Variants in TOX2 observed in about 807,000 individuals in gnomAD.
TOX2 encodes the protein TOX high mobility group box family member 2, also known as granulosa cell HMG box 1.
In TOX2, 15 loss-of-function variants were observed where a neutral mutation model predicts 47.4. The ratio of observed to expected loss-of-function variants is 0.32; its 90% CI spans 0.21 to 0.49. The LOEUF (loss-of-function observed/expected upper bound fraction) is 0.49. Among genes scored for constraint, TOX2 ranks in the 20% least tolerant of loss-of-function variants. TOX2 has a pLI of 0.99. For synonymous variants in TOX2, 290 were observed against 296.6 expected, an observed-to-expected ratio of 0.98 and a Z score of 0.23; for missense variants, 622 against 673.1, an observed-to-expected ratio of 0.92 and a Z score of 0.84.
chr20:43,994,047 G>T (rs908092112), intron 2 of TOX2, among the ~76,000 whole-genome samples: 9 of 152,118 alleles, frequency 5.9e-5, no homozygotes, highest in Admixed American at 2.6e-4. Context: ...AGCTCCTTGG[G>T]TGTCTCAGGT....
chr20:44,030,652 A>G (rs990486147), intron 3 of TOX2, among the ~76,000 whole-genome samples: 2 of 152,036 alleles, frequency 1.3e-5, no homozygotes, highest in African/African-American at 4.8e-5. Context: ...CCTCACCACC[A>G]CTGTGACTGT....
chr20:44,062,396 AAATAAATAAATG>A (rs553470154), intron 5 of TOX2, among the ~76,000 whole-genome samples: 2,488 of 149,170 alleles, frequency 0.017, 26 homozygotes, highest in Non-Finnish European at 0.024. Context: ...ATAAATAAAT[AAATAAATAAATG>A]AATAAATAAA....
chr20:44,038,129 C>T (rs1600767911), intron 3 of TOX2, among the ~76,000 whole-genome samples: 1 of 152,168 alleles, frequency 6.6e-6, no homozygotes, highest in African/African-American at 2.4e-5. Flanking sequence ...GGTGCCGTGG[C>T]TCACACCTAT....
At chr20:43,957,559 A>C (rs1293996883) in intron 1 of TOX2, among the ~76,000 whole-genome samples, 1 of 147,870 alleles carries the variant, frequency 6.8e-6, no homozygotes, top group Non-Finnish European at 1.5e-5. Context: ...GCATAAAGTA[A>C]ATGCCCTCTT....
intron 2 of TOX2, among the ~76,000 whole-genome samples, chr20:43,998,267 C>G (rs1444155516): frequency 6.6e-6 from 1 of 152,196 alleles, no homozygotes; most frequent in African/African-American, 2.4e-5. Context: ...TGCCTGAACT[C>G]TGAGAATTAC....
chr20:44,030,203 A>G (rs1326868677), intron 3 of TOX2, among the ~76,000 whole-genome samples: 3 of 151,950 alleles, frequency 2.0e-5, no homozygotes, highest in Non-Finnish European at 2.9e-5. Flanking sequence ...CTCTTCTCCT[A>G]TGTAAGCAGC....
intron 1 of TOX2, among the ~76,000 whole-genome samples, chr20:43,929,443 C>T (rs191060780): frequency 8.9e-4 from 135 of 152,236 alleles, no homozygotes; most frequent in Non-Finnish European, 1.6e-3. Context: ...AGAGTCAGTC[C>T]CCCTCAGTGA....
At chr20:43,978,575 G>A (rs1004364328) in intron 2 of TOX2, among the ~76,000 whole-genome samples, 10 of 152,130 alleles carry the variant, frequency 6.6e-5, no homozygotes, top group African/African-American at 2.4e-4. Context: ...TGTATGCATT[G>A]TTTCCTCTGA....
At position 43,915,028 on chromosome 20, in the gene TOX2, C is replaced by A; in HGVS notation, c.99+38C>A. Reference sequence around the variant, plus strand: ...GGGCGGGGGTCCCCGGCGGGCGGGGCCGGAGTCACCTGGCAGCTCGGGACT... The same window carrying A: ...GGGCGGGGGTCCCCGGCGGGCGGGGACGGAGTCACCTGGCAGCTCGGGACT... On this transcript the variant is annotated intron_variant, in intron 1 of 8. Transcript: ENST00000341197. This position sits in a 1 kb window ranked among gnomAD's most constrained non-coding sequence, Gnocchi z 7.1. 1 of 1,191,782 alleles carries A rather than the reference C, an allele frequency of 8.4e-7. No individual in the cohort carries two copies. The highest frequency in any genetic ancestry group is 1.0e-6 in the Non-Finnish European group (1 of 952,430). The allele number at this position is 1,191,782 out of a possible 1,614,324, so 73.8% of individuals were successfully genotyped here.
intron 3 of TOX2, among the ~76,000 whole-genome samples, chr20:44,033,134 C>T (rs1600761731): frequency 6.6e-6 from 1 of 152,200 alleles, no homozygotes; most frequent in Admixed American, 6.5e-5. Flanking sequence ...CAAAGGATCT[C>T]CCACCAAGCA....
At chr20:44,017,497 C>T (rs1444052551) in intron 3 of TOX2, among the ~76,000 whole-genome samples, 2 of 152,234 alleles carry the variant, frequency 1.3e-5, no homozygotes, top group African/African-American at 4.8e-5. Context: ...TCCCCAAGAA[C>T]ATCACGATGG....
intron 1 of TOX2, among the ~76,000 whole-genome samples, chr20:43,927,510 C>CAT (rs1204223746): frequency 7.8e-6 from 1 of 128,770 alleles, no homozygotes; most frequent in Non-Finnish European, 1.6e-5. Context: ...CACACACACA[C>CAT]ATCATGAGAT....
At chr20:43,921,900 T>C (rs1052708815) in intron 1 of TOX2, among the ~76,000 whole-genome samples, 1 of 152,198 alleles carries the variant, frequency 6.6e-6, no homozygotes, top group African/African-American at 2.4e-5. Context: ...GCCTCTGGGT[T>C]GAAGGAGCCT....
chr20:44,051,593 G>C (rs752515516), intron 4 of TOX2, 48 bp downstream of exon 4: 1 of 1,528,336 alleles, frequency 6.5e-7, no homozygotes, highest in Non-Finnish European at 8.8e-7. Flanking sequence ...CCTGTCGGCA[G>C]GGAAGGGGTC....
chr20:43,962,041 A>C (rs562322438), intron 1 of TOX2, among the ~76,000 whole-genome samples: 4 of 152,186 alleles, frequency 2.6e-5, no homozygotes, highest in Non-Finnish European at 5.9e-5. Context: ...ATTAAAGCTT[A>C]ATGAGCGCTT....
chr20:44,038,460 G>C (rs535069233), intron 3 of TOX2, among the ~76,000 whole-genome samples: 2 of 152,056 alleles, frequency 1.3e-5, no homozygotes, highest in Non-Finnish European at 2.9e-5. Flanking sequence ...GAACATAGCC[G>C]TTGTTGCCAT....
chr20:43,984,661 G>A (rs890016461), intron 2 of TOX2, among the ~76,000 whole-genome samples: 9 of 152,202 alleles, frequency 5.9e-5, no homozygotes, highest in Non-Finnish European at 1.3e-4. Context: ...ACTTTGGTCT[G>A]CATTTATGGT....
At chr20:44,067,192 C>A (rs1245686566) in intron 8 of TOX2, among the ~76,000 whole-genome samples, 1 of 151,804 alleles carries the variant, frequency 6.6e-6, no homozygotes, top group Non-Finnish European at 1.5e-5. Flanking sequence ...GAGCCTGAGG[C>A]AGCAGGGATT....
intron 1 of TOX2, among the ~76,000 whole-genome samples, chr20:43,919,259 A>G (rs1364833828): frequency 1.3e-5 from 2 of 152,244 alleles, no homozygotes; most frequent in East Asian, 3.8e-4. Context: ...AGTGAACAAA[A>G]GTCACTCAAA....
Sources: allele counts gnomAD v4.1 joint callset (sites outside exome capture counted in the v4.1 genomes callset), GRCh38; gene constraint gnomAD v4.1.1; non-coding constraint Gnocchi (gnomAD v3.1); transcripts MANE v1.5; gene names NCBI Gene and HGNC (gene_info 2026-07-23, HGNC 2026-07-21).